The following DNAH3 variants were observed in gnomAD, a reference collection of about 807,000 sequenced individuals.
DNAH3 encodes the protein dynein axonemal heavy chain 3.
DNAH3 carries 332 observed loss-of-function variants against 432.5 expected under a neutral mutation model. That is an observed-to-expected ratio of 0.77 (90% CI 0.70 to 0.84). The LOEUF (loss-of-function observed/expected upper bound fraction) is 0.84, where lower values mean the gene tolerates loss of function less well. Among genes scored for constraint, DNAH3 ranks in the 40% least tolerant of loss-of-function variants. DNAH3 has a pLI of 0.00. For synonymous variants in DNAH3, 1,956 were observed against 1,900.2 expected, an observed-to-expected ratio of 1.03 and a Z score of -0.76; for missense variants, 4,861 against 5,114.0, an observed-to-expected ratio of 0.95 and a Z score of 1.51.
chr16:21,079,619 A>T (rs2091108214), intron 20 of DNAH3, among the ~76,000 whole-genome samples: 1 of 152,168 alleles, frequency 6.6e-6, no homozygotes, highest in South Asian at 2.1e-4. Flanking sequence ...CCTGGGACAC[A>T]GAGTGAGACT....
chr16:21,024,281 T>A lies in DNAH3; in HGVS notation c.5646+315A>T, dbSNP rs998140676. Among the ~76,000 whole-genome samples the A allele has an allele frequency of 2.0e-5, 3 of 152,054 alleles. No individual in the cohort carries two copies. The East Asian group carries it at 5.8e-4, about 29-fold the overall frequency. On this transcript the variant is annotated intron_variant, in intron 39 of 61. Coordinates refer to ENST00000261383, the Ensembl canonical transcript of DNAH3. ...ACAGACATTTCTGTTAGTGGGGCAA[T>A]GAAGAAAGAGGTGACATTTCAGCTT...
exon 48 of DNAH3, chr16:20,985,298 C>A (rs560572269): frequency 6.2e-7 from 1 of 1,614,216 alleles, no homozygotes; most frequent in Admixed American, 1.7e-5. Context: ...TTGGTGGCCA[C>A]ACCGACCTGC....
At chr16:21,030,849 T>C (rs2088833498) in intron 37 of DNAH3, among the ~76,000 whole-genome samples, 196 bp downstream of exon 37, 1 of 152,180 alleles carries the variant, frequency 6.6e-6, no homozygotes, top group Non-Finnish European at 1.5e-5. Context: ...CATGCTTAGC[T>C]TACCAACTAC....
chr16:20,982,651 C>A (rs1486956932), intron 49 of DNAH3, 70 bp downstream of exon 49: 4 of 1,358,542 alleles, frequency 2.9e-6, no homozygotes, highest in African/African-American at 1.5e-5. Context: ...AAAACAACAA[C>A]AAAAATAGAG....
At chr16:20,992,496 C>T (rs1267978470) in intron 44 of DNAH3, among the ~76,000 whole-genome samples, 1 of 152,210 alleles carries the variant, frequency 6.6e-6, no homozygotes, top group Non-Finnish European at 1.5e-5. Flanking sequence ...CAGGCGCACA[C>T]CGCCAAGCCC....
rs2152828691 is a variant in DNAH3 at position 21,140,719 on chromosome 16, T to C, written c.522-9A>G. Reference sequence around the variant, plus strand: ...TGAAGGCCAACTTGATCCTGAAAAGTAGACACAGCTCAGCCCTTGGTGTTT... The same window carrying C: ...TGAAGGCCAACTTGATCCTGAAAAGCAGACACAGCTCAGCCCTTGGTGTTT... On this transcript the variant is annotated splice_polypyrimidine_tract_variant and intron_variant, in intron 4 of 61. Transcript: ENST00000261383. The C allele has an allele frequency of 4.3e-6, 7 of 1,613,720 alleles. No individual in the cohort carries two copies. Among genetic ancestry groups the C allele is most frequent in the East Asian group, 2.2e-5 (1 of 44,864 alleles).
intron 1 of DNAH3, among the ~76,000 whole-genome samples, chr16:21,146,810 G>A (rs1454811209): frequency 6.6e-6 from 1 of 151,248 alleles, no homozygotes; most frequent in Non-Finnish European, 1.5e-5. Flanking sequence ...ACCCAGGCTG[G>A]AGTGCAGTGG....
At chr16:21,063,815 T>C (rs1426086440) in intron 24 of DNAH3, among the ~76,000 whole-genome samples, 1 of 152,204 alleles carries the variant, frequency 6.6e-6, no homozygotes, top group East Asian at 1.9e-4. Context: ...GTACTGGGAC[T>C]GTAAATGTGA....
chr16:21,118,491 T>C (rs1037578370), intron 11 of DNAH3, among the ~76,000 whole-genome samples: 4 of 152,180 alleles, frequency 2.6e-5, no homozygotes, highest in Admixed American at 2.6e-4. Flanking sequence ...TGGAGTGCAG[T>C]GGCACCATCA....
At chr16:20,967,160 T>G (rs547361047) in intron 52 of DNAH3, among the ~76,000 whole-genome samples, 5 of 152,230 alleles carry the variant, frequency 3.3e-5, no homozygotes, top group Non-Finnish European at 2.9e-5. Context: ...TGAAGGTTTT[T>G]GTTGGCATTC....
Position 20,933,413 on chromosome 16 carries a change from G to A in DNAH3, c.12092C>T (p.Thr4031Met), listed in dbSNP as rs573677462. ...GGGGAGAGATTCCCCAATCTGCATC[G>A]TTTTCCTGTCCCAACGGGCACCTTC... Residue 4031 changes from threonine to methionine, a missense_variant, in exon 62 of 62, where the codon ACG (threonine) becomes ATG (methionine). Physicochemically the swap from Thr to Met is moderately conservative, Grantham distance 81 (BLOSUM62 -1). Coordinates refer to ENST00000261383, the Ensembl canonical transcript of DNAH3. The A allele has an allele frequency of 1.0e-4, 161 of 1,614,146 alleles. 1 individual carries two copies. Among genetic ancestry groups the A allele is most frequent in the Admixed American group, 2.0e-4 (12 of 60,024 alleles).
chr16:20,952,399 A>C (rs1470414384), intron 56 of DNAH3, 34 bp downstream of exon 56: 20 of 1,283,248 alleles, frequency 1.6e-5, no homozygotes, highest in Non-Finnish European at 2.0e-5. Context: ...ATGATACTGG[A>C]GGTTTACAGT....
intron 1 of DNAH3, among the ~76,000 whole-genome samples, chr16:21,154,261 C>G (rs899378775): frequency 2.6e-5 from 4 of 152,174 alleles, no homozygotes; most frequent in African/African-American, 9.6e-5. Flanking sequence ...AAAAATTAGC[C>G]GGGCGTGGTG....
At chr16:20,934,080 T>G in intron 61 of DNAH3, among the ~76,000 whole-genome samples, 1 of 151,936 alleles carries the variant, frequency 6.6e-6, no homozygotes, top group African/African-American at 2.4e-5. Context: ...CAAATTCCTT[T>G]AGGTAATTGC....
At chr16:20,955,886 G>A (rs2084540096) in intron 54 of DNAH3, among the ~76,000 whole-genome samples, 1 of 151,880 alleles carries the variant, frequency 6.6e-6, no homozygotes, top group Non-Finnish European at 1.5e-5. Flanking sequence ...CATTGCATCT[G>A]AGGCTCTTTT....
intron 40 of DNAH3, 31 bp downstream of exon 40, chr16:21,021,940 A>T: frequency 1.2e-6 from 2 of 1,611,416 alleles, no homozygotes; most frequent in South Asian, 2.2e-5. Flanking sequence ...CCCACCCCCC[A>T]TGTGGCTTAA....
chr16:21,036,035 A>T (rs183478007), intron 35 of DNAH3, among the ~76,000 whole-genome samples: 38 of 152,314 alleles, frequency 2.5e-4, no homozygotes, highest in African/African-American at 8.9e-4. Context: ...AGGATAAAAG[A>T]GGTGAACTAA....
intron 32 of DNAH3, among the ~76,000 whole-genome samples, chr16:21,040,153 C>T (rs540060437): frequency 3.1e-4 from 47 of 152,058 alleles, no homozygotes; most frequent in African/African-American, 1.0e-3. Flanking sequence ...TGGCCCTATG[C>T]GGGTACATGT....
Position 21,058,189 on chromosome 16 carries a change from C to T in DNAH3, c.3821G>A (p.Arg1274Gln), listed in dbSNP as rs777984798. Residue 1274 changes from arginine to glutamine, a missense_variant, in exon 27 of 62, where the codon CGA becomes CAA. By Grantham distance (43) the Arg-to-Gln change is conservative (BLOSUM62 1). Coordinates refer to ENST00000261383, the Ensembl canonical transcript of DNAH3. ...AGGCCACTGTAAGACCCAGTGATTT[C>T]GAGGGACCTGGAAAAGCACAGTGGG... 1.8e-5 allele frequency: 29 copies of T among 1,606,872 alleles called. No homozygotes were observed. The highest frequency in any genetic ancestry group is 1.3e-4 in the African/African-American group (10 of 74,724).
Sources: gnomAD v4.1 joint callset for allele counts (sites outside exome capture counted in the v4.1 genomes callset) on GRCh38, gnomAD v4.1.1 for gene constraint, MANE v1.5 for transcripts, NCBI Gene and HGNC (gene_info 2026-07-23, HGNC 2026-07-21) for gene names.